EXO1: variants seen among roughly 807,000 people sequenced by gnomAD.
The protein encoded by EXO1 is exonuclease 1.
A neutral mutation model predicts 84.5 loss-of-function variants in EXO1; 69 were observed. That is an observed-to-expected ratio of 0.82 (90% confidence interval 0.67 to 1.00). The LOEUF (loss-of-function observed/expected upper bound fraction) is 1.00, where lower values mean the gene tolerates loss of function less well. Among genes scored for constraint, EXO1 ranks in the 50% least tolerant of loss-of-function variants. The pLI is 0.00. For synonymous variants in EXO1, 373 were observed against 366.1 expected (o/e 1.02, Z -0.21); for missense variants, 1,045 against 1,000.7 (o/e 1.04, Z -0.60).
At chr1:241,889,427 C>G in intron 15 of EXO1, 38 bp from the exon 16 acceptor site, 1 of 1,586,146 alleles carries the variant, frequency 6.3e-7, no homozygotes, top group Non-Finnish European at 8.7e-7. Flanking sequence ...ATAATCAGTA[C>G]CTTAAAAATA....
At chr1:241,851,569 C>T (rs1660670034) in intron 4 of EXO1, among the ~76,000 whole-genome samples, 1 of 152,174 alleles carries the variant, frequency 6.6e-6, no homozygotes, top group Non-Finnish European at 1.5e-5. Context: ...GTTTTTGTCA[C>T]AATACCTAAT....
At chr1:241,851,521 C>CT (rs1329291439) in intron 4 of EXO1, among the ~76,000 whole-genome samples, 1 of 151,814 alleles carries the variant, frequency 6.6e-6, no homozygotes. Context: ...CTAAAATGTC[C>CT]TTTTCTTTAT....
chr1:241,878,910 C>G lies in EXO1; in HGVS notation c.1676C>G (p.Ser559Ter), dbSNP rs1210617501. 1.2e-6 allele frequency: 2 copies of G among 1,613,984 alleles called. No homozygotes were observed. The highest frequency in any genetic ancestry group is 3.3e-5 in the Admixed American group (2 of 59,992). ...GTTGACACAGATGTAGCACGTAATT[C>G]AAGTGATGACATTCCGAATAATCAT... is the stretch of plus-strand genomic sequence containing the variant. ...RLVDTDVARNSSDDIPNNHIP... is the reference protein window; with the variant it reads ...RLVDTDVARN Residue 559 changes from serine to a stop codon, truncating the protein, a stop_gained, in exon 13 of 16, where the codon TCA becomes TGA. Coordinates refer to ENST00000366548, the MANE Select transcript of EXO1 (RefSeq NM_130398.4). LOFTEE classifies it high-confidence loss of function.
Position 241,879,035 on chromosome 1 carries a change from A to G in EXO1, c.1801A>G (p.Thr601Ala), listed in dbSNP as rs140302179. The G allele has an allele frequency of 1.4e-5, 23 of 1,614,032 alleles. No individual in the cohort carries two copies. The African/African-American group carries it at 2.7e-4, about 19-fold the overall frequency. ...SKFTRTISPPTLGTLRSCFSW... is the reference protein window; with the variant it reads ...SKFTRTISPPALGTLRSCFSW... ...ATTTACAAGGACCATTTCACCACCCACTTTGGGAACACTAAGAAGTTGTTT... is the reference window on the plus strand; with the variant it reads ...ATTTACAAGGACCATTTCACCACCCGCTTTGGGAACACTAAGAAGTTGTTT... The change falls in exon 13 of 16, where the codon ACT becomes GCT. Residue 601 changes from threonine to alanine, a missense_variant. By Grantham distance (58) the Thr-to-Ala change is moderately conservative. Coordinates refer to ENST00000366548, the MANE Select transcript of EXO1 (RefSeq NM_130398.4).
intron 5 of EXO1, among the ~76,000 whole-genome samples, chr1:241,852,892 A>G (rs1296466849): frequency 6.6e-6 from 1 of 152,144 alleles, no homozygotes; most frequent in Non-Finnish European, 1.5e-5. Context: ...CCTGGCCTCA[A>G]GTGATCTGCC....
Position 241,852,331 on chromosome 1 carries a change from A to G in EXO1, c.201A>G (p.Leu67=), listed in dbSNP as rs1202591198. The G allele has an allele frequency of 1.3e-6, 2 of 1,593,096 alleles. No homozygotes were observed. Among genetic ancestry groups the G allele is most frequent in the South Asian group, 1.1e-5 (1 of 90,680 alleles). The change falls in exon 5 of 16, where the codon CTA becomes CTG. Residue 67 remains leucine, a synonymous_variant. Coordinates refer to ENST00000366548, the MANE Select transcript of EXO1 (RefSeq NM_130398.4). ...GTATGAAATTTGTAAATATGTTACT[A>G]TCTCATGGGATCAAGCCTATTCTCG... The part of the protein sequence containing the change: ...GFCMKFVNML[L]SHGIKPILVF...
intron 15 of EXO1, among the ~76,000 whole-genome samples, chr1:241,886,121 G>A (rs1255580690): frequency 6.6e-6 from 1 of 152,138 alleles, no homozygotes; most frequent in Non-Finnish European, 1.5e-5. Flanking sequence ...CCAAGTGCTG[G>A]GATTACAGGC....
chr1:241,885,235 A>AATAAATAAATAG, intron 14 of EXO1, 79 bp from the exon 15 acceptor site: 1 of 793,084 alleles, frequency 1.3e-6, no homozygotes, highest in South Asian at 2.2e-5. Context: ...TAAATAAATA[A>AATAAATAAATAG]GTAAAGAATA....
At chr1:241,861,171 C>G (rs1776132) in intron 9 of EXO1, among the ~76,000 whole-genome samples, 98,211 of 152,194 alleles carry the variant, frequency 0.65, 32,486 homozygotes, top group East Asian at 0.8. Context: ...CCCTTAAAGG[C>G]AGGGAGTCAG....
chr1:241,848,130 C>G (rs540480364), upstream of EXO1: 44 of 152,410 alleles, frequency 2.9e-4, no homozygotes, highest in Admixed American at 8.5e-4. The surrounding 1 kb of genome is among the most constrained non-coding windows in gnomAD (Gnocchi z 4.2). Context: ...GGAGGCGGAA[C>G]CGGGTTGCGG....
At chr1:241,863,397 T>G in intron 10 of EXO1, among the ~76,000 whole-genome samples, 1 of 138,820 alleles carries the variant, frequency 7.2e-6, no homozygotes. Context: ...TCAAGATGGG[T>G]GATTCCAGGC....
At chr1:241,865,946 G>T (rs1661688835) in intron 10 of EXO1, among the ~76,000 whole-genome samples, 1 of 152,050 alleles carries the variant, frequency 6.6e-6, no homozygotes, top group African/African-American at 2.4e-5. Context: ...TAAGTGAAAG[G>T]CTTTGATTAG....
chr1:241,859,571 G>T (rs1260671500), intron 8 of EXO1, among the ~76,000 whole-genome samples: 2 of 152,068 alleles, frequency 1.3e-5, no homozygotes, highest in African/African-American at 4.8e-5. Context: ...TGGATTTTAT[G>T]TTTAGACTTG....
chr1:241,854,232 G>A (rs1012852316), intron 6 of EXO1, among the ~76,000 whole-genome samples: 1 of 152,182 alleles, frequency 6.6e-6, no homozygotes, highest in African/African-American at 2.4e-5. Context: ...CTGCCTCCCG[G>A]GTTAAAGCGA....
At chr1:241,854,343 G>A (rs1660839710) in intron 6 of EXO1, among the ~76,000 whole-genome samples, 1 of 152,150 alleles carries the variant, frequency 6.6e-6, no homozygotes, top group Non-Finnish European at 1.5e-5. Context: ...CTCCATATTG[G>A]TCACGCTGGG....
At position 241,856,575 on chromosome 1, in the gene EXO1, G is replaced by A. The variant is rs532344758; in HGVS notation, c.406-770G>A. 2.5e-4 allele frequency among the ~76,000 whole-genome samples: 38 copies of A among 152,126 alleles called. 1 individual carries two copies. Among genetic ancestry groups the A allele is most frequent in the African/African-American group, 8.7e-4 (36 of 41,490 alleles). The stretch of plus-strand genomic sequence containing the variant: ...GTATATATTTTCCCCCCAAGACATT[G>A]CTGGATATGGTCTATAATTTTATCA... On this transcript the variant is annotated intron_variant, in intron 6 of 15. Transcript: ENST00000366548.
Position 241,889,770 on chromosome 1 carries a change from T to C in EXO1, c.*170T>C. 1.5e-6 allele frequency: 1 copy of C among 663,188 alleles called. No individual in the cohort carries two copies. Among genetic ancestry groups the C allele is most frequent in the Non-Finnish European group, 2.6e-6 (1 of 382,096 alleles). 41.1% of individuals were successfully genotyped at this position (663,188 alleles called of 1,614,324 possible). A position where few individuals can be genotyped will look rare whatever the true frequency, so the allele number is the denominator to read the frequency against. On this transcript the variant is annotated 3_prime_UTR_variant, in exon 16 of 16. Coordinates refer to ENST00000366548, the MANE Select transcript of EXO1 (RefSeq NM_130398.4). ...TATAATTGGGTTGTGGTTTTTTTGCTCAGCTTTTTATATTTTTATAAGAAG... is the reference window on the plus strand; with the variant it reads ...TATAATTGGGTTGTGGTTTTTTTGCCCAGCTTTTTATATTTTTATAAGAAG...
At chr1:241,849,998 C>T (rs1420427355) in intron 3 of EXO1, among the ~76,000 whole-genome samples, 1 of 152,154 alleles carries the variant, frequency 6.6e-6, no homozygotes, top group African/African-American at 2.4e-5. Context: ...TGAACAATTT[C>T]TGGCCGGGCG....
rs1169547352 is a variant in EXO1 at position 241,867,027 on chromosome 1, A to G, written c.1239A>G (p.Lys413=). ...CTAAAGGGTTAAATCTCCCAAGGAA[A>G]TCATCCATTGTGAAAAGACCAAGAA... ...ISTKGLNLPR[K]SSIVKRPRSA... Residue 413 remains lysine (K), a synonymous_variant, in exon 11 of 16, where the codon AAA becomes AAG. Transcript: ENST00000366548. 1.2e-6 allele frequency: 2 copies of G among 1,613,788 alleles called. No homozygotes were observed. Among genetic ancestry groups the G allele is most frequent in the South Asian group, 2.2e-5 (2 of 91,080 alleles).
Sources: gnomAD v4.1 joint callset for allele counts (sites outside exome capture counted in the v4.1 genomes callset) on GRCh38, gnomAD v4.1.1 for gene constraint, Gnocchi (gnomAD v3.1) non-coding constraint, MANE v1.5 for transcripts, NCBI Gene and HGNC (gene_info 2026-07-23, HGNC 2026-07-21) for gene names.